KCNQ1: variants seen among roughly 807,000 people sequenced by gnomAD.
The protein encoded by KCNQ1 is potassium voltage-gated channel subfamily Q member 1.
KCNQ1 carries 49 observed loss-of-function variants against 72.4 expected under a neutral mutation model. The ratio of observed to expected loss-of-function variants is 0.68; its 90% confidence interval spans 0.54 to 0.86. The LOEUF (loss-of-function observed/expected upper bound fraction) is 0.86. Ranked by LOEUF, KCNQ1 falls within the 40% of genes least tolerant of loss-of-function variation. The probability of loss-of-function intolerance (pLI) is 0.00; values close to 1 mark genes in which losing one functional copy is unlikely to be tolerated. For synonymous variants in KCNQ1, 450 were observed against 412.6 expected, an observed-to-expected ratio of 1.09 and a Z score of -1.10; for missense variants, 790 against 945.1, an observed-to-expected ratio of 0.84 and a Z score of 2.15.
intron 11 of KCNQ1, chr11:2,699,184 A>G: frequency 2.5e-6 from 1 of 398,736 alleles, no homozygotes; most frequent in Non-Finnish European, 4.4e-6. Flanking sequence ...ATAGACCCGG[A>G]ATCCGATCCT....
At chr11:2,820,296 G>A (rs1308243942) in intron 15 of KCNQ1, among the ~76,000 whole-genome samples, 4 of 152,096 alleles carry the variant, frequency 2.6e-5, no homozygotes, top group Non-Finnish European at 5.9e-5. Flanking sequence ...TTTTCTCTCT[G>A]CCTTATTTTC....
Position 2,484,577 on chromosome 11 carries a change from C to G in KCNQ1, c.386+39093C>G, listed in dbSNP as rs1301947762. Among the ~76,000 whole-genome samples the G allele has an allele frequency of 6.6e-6, 1 of 152,212 alleles. No homozygotes were observed. Among genetic ancestry groups the G allele is most frequent in the African/African-American group, 2.4e-5 (1 of 41,448 alleles). ...CTGTCTTTTCTTGGACACTGCCTTCCTGGCACCCCAAGATGCTCTGGGCTC... is the reference window on the plus strand; with the variant it reads ...CTGTCTTTTCTTGGACACTGCCTTCGTGGCACCCCAAGATGCTCTGGGCTC... On this transcript the variant is annotated intron_variant, in intron 1 of 15. Transcript: ENST00000155840. The surrounding 1 kb of genome is among the most constrained non-coding windows in gnomAD (Gnocchi z 5.2).
intron 10 of KCNQ1, among the ~76,000 whole-genome samples, chr11:2,607,855 T>C (rs1848906461): frequency 6.6e-6 from 1 of 152,230 alleles, no homozygotes; most frequent in South Asian, 2.1e-4. Context: ...TTGATTTTAC[T>C]TGCTAGTATT....
intron 1 of KCNQ1, among the ~76,000 whole-genome samples, chr11:2,502,724 T>A (rs186932131): frequency 2.3e-3 from 348 of 152,298 alleles, no homozygotes; most frequent in African/African-American, 7.6e-3. Flanking sequence ...CCCAGAATAG[T>A]CAAAGCTATC....
intron 11 of KCNQ1, chr11:2,699,096 A>G (rs979076289): frequency 7.5e-6 from 3 of 398,448 alleles, no homozygotes; most frequent in South Asian, 1.3e-4. Context: ...TTCCATCCCA[A>G]TAGCGCGGAC....
At position 2,600,830 on chromosome 11, in the gene KCNQ1, T is replaced by G. The variant is rs1040021599; in HGVS notation, c.1393+11976T>G. Among the ~76,000 whole-genome samples, 9 of 152,174 alleles carry G rather than the reference T, an allele frequency of 5.9e-5. No homozygotes were observed. Among genetic ancestry groups the G allele is most frequent in the Non-Finnish European group, 1.3e-4 (9 of 68,030 alleles). The stretch of plus-strand genomic sequence containing the variant: ...CTGATATTTTTTAAAGATACAGTCC[T>G]GCCACTTCTTGGGGGAGTCTGATGT... On this transcript the variant is annotated intron_variant, in intron 10 of 15. Transcript: ENST00000155840. This position sits in a 1 kb window ranked among gnomAD's most constrained non-coding sequence, Gnocchi z 5.6.
In KCNQ1 at chr11:2,687,948, G is replaced by A. The variant is rs1267456822; in HGVS notation, c.1514+25867G>A. 5.0e-6 allele frequency: 2 copies of A among 398,652 alleles called. No homozygotes were observed. Among genetic ancestry groups the A allele is most frequent in the Admixed American group, 4.4e-5 (1 of 22,718 alleles). 24.7% of individuals were successfully genotyped at this position (398,652 alleles called of 1,614,324 possible). A position where few individuals can be genotyped will look rare whatever the true frequency, so the allele number is the denominator to read the frequency against. On this transcript the variant is annotated intron_variant, in intron 11 of 15. Transcript: ENST00000155840. The surrounding 1 kb of genome is among the most constrained non-coding windows in gnomAD (Gnocchi z 5.0). Reference sequence around the variant, plus strand: ...AGGCTGCACTTCTCCCACCCGCTGTGGGTCAGCCAGGCCGCTGCTTCCTGC... The same window carrying A: ...AGGCTGCACTTCTCCCACCCGCTGTAGGTCAGCCAGGCCGCTGCTTCCTGC...
chr11:2,548,441 G>A (rs983558441), intron 2 of KCNQ1, among the ~76,000 whole-genome samples: 2 of 152,192 alleles, frequency 1.3e-5, no homozygotes, highest in South Asian at 2.1e-4. Context: ...ATTTCATAGC[G>A]AACAAAGAAA....
intron 11 of KCNQ1, among the ~76,000 whole-genome samples, chr11:2,757,173 A>G (rs1846317787): frequency 6.6e-6 from 1 of 152,120 alleles, no homozygotes; most frequent in Non-Finnish European, 1.5e-5. Flanking sequence ...AACTGTTTCT[A>G]TTTGCAAAGA....
intron 10 of KCNQ1, chr11:2,655,081 T>C: frequency 2.5e-6 from 1 of 398,662 alleles, no homozygotes; most frequent in Non-Finnish European, 4.4e-6. Context: ...TCTGTGCCTG[T>C]ATTTTTAAAA....
chr11:2,550,402 G>A lies in KCNQ1; in HGVS notation c.478-20226G>A, dbSNP rs1369981962. Among the ~76,000 whole-genome samples the A allele has an allele frequency of 6.6e-6, 1 of 152,192 alleles. No individual in the cohort carries two copies. Among genetic ancestry groups the A allele is most frequent in the African/African-American group, 2.4e-5 (1 of 41,450 alleles). On this transcript the variant is annotated intron_variant, in intron 2 of 15. Coordinates refer to ENST00000155840, the MANE Select transcript of KCNQ1 (RefSeq NM_000218.3). The surrounding 1 kb of genome is among the most constrained non-coding windows in gnomAD (Gnocchi z 6.0). Reference sequence around the variant, plus strand: ...AATGAAAAGGCATAGGTAGAAGGTGGGAGAAGCCCACGTTCTGGGAGCGTC... The same window carrying A: ...AATGAAAAGGCATAGGTAGAAGGTGAGAGAAGCCCACGTTCTGGGAGCGTC...
In KCNQ1 at chr11:2,668,895, T is replaced by C. The variant is rs1051225938; in HGVS notation, c.1514+6814T>C. ...TGACTACTCCAAGGTCATAAAGATA[T>C]TCTGGTTTATTCTAAAGCTTTATTA... On this transcript the variant is annotated intron_variant, in intron 11 of 15. Transcript: ENST00000155840. The surrounding 1 kb of genome is among the most constrained non-coding windows in gnomAD (Gnocchi z 4.3). 2.0e-5 allele frequency: 8 copies of C among 398,500 alleles called. No homozygotes were observed. Among genetic ancestry groups the C allele is most frequent in the African/African-American group, 1.6e-4 (8 of 48,622 alleles). The allele number at this position is 398,500 out of a possible 1,614,324, so 24.7% of individuals were successfully genotyped here.
rs1293923018 is a variant in KCNQ1, at chr11:2,827,761, G to A, written c.1795-20006G>A. Among the ~76,000 whole-genome samples the A allele has an allele frequency of 6.6e-6, 1 of 152,186 alleles. No individual in the cohort carries two copies. Among genetic ancestry groups the A allele is most frequent in the Non-Finnish European group, 1.5e-5 (1 of 68,024 alleles). On this transcript the variant is annotated intron_variant, in intron 15 of 15. Coordinates refer to ENST00000155840, the MANE Select transcript of KCNQ1 (RefSeq NM_000218.3). This position sits in a 1 kb window ranked among gnomAD's most constrained non-coding sequence, Gnocchi z 6.7. ...GATAGGAGTTGGGCGCTTGAGGGAG[G>A]AAATGGGGGTACACTTCAGCGGCTC...
intron 1 of KCNQ1, among the ~76,000 whole-genome samples, chr11:2,502,511 T>G (rs1469544291): frequency 1.6e-4 from 24 of 152,278 alleles, no homozygotes; most frequent in African/African-American, 5.8e-4. Context: ...ATGAAAATTA[T>G]AATACACTGA....
chr11:2,602,619 C>T lies in KCNQ1; in HGVS notation c.1393+13765C>T, dbSNP rs528026978. Among the ~76,000 whole-genome samples the T allele has an allele frequency of 6.6e-6, 1 of 152,296 alleles. No homozygotes were observed. The highest frequency in any genetic ancestry group is 2.1e-4 in the South Asian group (1 of 4,824). On this transcript the variant is annotated intron_variant, in intron 10 of 15. Transcript: ENST00000155840. The surrounding 1 kb of genome is among the most constrained non-coding windows in gnomAD (Gnocchi z 4.8). The stretch of plus-strand genomic sequence containing the variant: ...CACACTGTTTTTAATTTTCTCCATT[C>T]AGATAGGTGTGTAGTGAGATCTCAT...
At chr11:2,754,565 C>A (rs1846271429) in intron 11 of KCNQ1, among the ~76,000 whole-genome samples, 1 of 152,206 alleles carries the variant, frequency 6.6e-6, no homozygotes, top group South Asian at 2.1e-4. Flanking sequence ...ACAGAGAGCC[C>A]TGAAGAGATC....
chr11:2,789,588 A>G (rs1358155090), intron 15 of KCNQ1, among the ~76,000 whole-genome samples: 1 of 152,216 alleles, frequency 6.6e-6, no homozygotes, highest in African/African-American at 2.4e-5. Flanking sequence ...ATCTCTGTGC[A>G]GCCACAGCAC....
intron 10 of KCNQ1, chr11:2,616,309 G>A: frequency 2.5e-6 from 1 of 396,922 alleles, no homozygotes; most frequent in Non-Finnish European, 4.4e-6. Context: ...CTAGTTAAAG[G>A]TTTTCAACTT....
At chr11:2,754,296 G>A (rs866142510) in intron 11 of KCNQ1, among the ~76,000 whole-genome samples, 3 of 152,360 alleles carry the variant, frequency 2.0e-5, no homozygotes, top group African/African-American at 2.4e-5. Flanking sequence ...AGTGGTGCCA[G>A]AAAGAGCCTC....
Sources: allele counts gnomAD v4.1 joint callset (sites outside exome capture counted in the v4.1 genomes callset), GRCh38; gene constraint gnomAD v4.1.1; non-coding constraint Gnocchi (gnomAD v3.1); transcripts MANE v1.5; gene names NCBI Gene and HGNC (gene_info 2026-07-23, HGNC 2026-07-21).